GBE1: variants seen among roughly 807,000 people sequenced by gnomAD.
GBE1 encodes 1,4-alpha-glucan branching enzyme 1.
Under a neutral mutation model 88.8 loss-of-function variants are expected in GBE1, and 70 were observed. The observed-to-expected ratio is 0.79, with a 90% CI of 0.65 to 0.96. GBE1 has a LOEUF of 0.96. GBE1 is among the 40% of genes least tolerant of loss of function. The pLI, the probability that GBE1 is intolerant of heterozygous loss-of-function variation, is 0.00. For synonymous variants in GBE1, 284 were observed against 300.1 expected (o/e 0.95, Z 0.56); for missense variants, 872 against 871.0 (o/e 1.00, Z -0.01).
chr3:81,528,194 A>C (rs935308976), intron 14 of GBE1, among the ~76,000 whole-genome samples: 3 of 134,588 alleles, frequency 2.2e-5, no homozygotes, highest in Non-Finnish European at 3.1e-5. Flanking sequence ...AGGAAGGGGA[A>C]CATCACACAG....
Position 81,605,005 on chromosome 3 carries a change from C to A in GBE1, c.993-10982G>T, listed in dbSNP as rs539325774. On this transcript the variant is annotated intron_variant, in intron 7 of 15. Transcript: ENST00000429644. ...ACATATGCCTCAATTTTTTTTAAAT[C>A]AAAAAAAAATATGGCCAGCCTCTAG... Among the ~76,000 whole-genome samples the A allele has an allele frequency of 1.5e-3, 230 of 149,324 alleles. 1 individual carries two copies. The highest frequency in any genetic ancestry group is 5.5e-3 in the African/African-American group (224 of 40,848).
chr3:81,530,410 A>G (rs566545582), intron 14 of GBE1, among the ~76,000 whole-genome samples: 9 of 151,954 alleles, frequency 5.9e-5, no homozygotes, highest in African/African-American at 1.9e-4. Context: ...GTGTCTGGGC[A>G]TTGAATAATT....
At chr3:81,750,524 C>CATATATATATATGT (rs1706481404) in intron 1 of GBE1, among the ~76,000 whole-genome samples, 1 of 93,884 alleles carries the variant, frequency 1.1e-5, no homozygotes, top group African/African-American at 5.7e-5. Context: ...TCAAAACATT[C>CATATATATATATGT]ATATATATAT....
chr3:81,542,247 T>C (rs1479534684), intron 12 of GBE1, among the ~76,000 whole-genome samples: 1 of 152,158 alleles, frequency 6.6e-6, no homozygotes, highest in African/African-American at 2.4e-5. Flanking sequence ...GACCATGTAA[T>C]GAAATTTTAT....
intron 2 of GBE1, among the ~76,000 whole-genome samples, chr3:81,671,330 AAAT>A (rs374543532): frequency 5.9e-4 from 90 of 152,286 alleles, no homozygotes; most frequent in South Asian, 5.4e-3. Flanking sequence ...CATGGTAGAA[AAAT>A]AATGACAAAC....
chr3:81,589,092 A>T lies in GBE1; in HGVS notation c.1236+1945T>A, dbSNP rs374526596. Among the ~76,000 whole-genome samples, 77 of 152,260 alleles carry T rather than the reference A, an allele frequency of 5.1e-4. 3 individuals carry two copies. The South Asian group carries it at 0.015, about 30-fold the overall frequency. ...AATAAACATACTCTAAATATAAAAC[A>T]ATTGATGCCTATTCATATGGCATAT... On this transcript the variant is annotated intron_variant, in intron 9 of 15. Transcript: ENST00000429644.
intron 1 of GBE1, among the ~76,000 whole-genome samples, chr3:81,710,903 A>C (rs1312442345): frequency 6.6e-6 from 1 of 152,180 alleles, no homozygotes; most frequent in Non-Finnish European, 1.5e-5. Context: ...AACACATATC[A>C]CACACTCCAA....
At chr3:81,631,925 A>G (rs1260475389) in intron 7 of GBE1, among the ~76,000 whole-genome samples, 4 of 152,040 alleles carry the variant, frequency 2.6e-5, no homozygotes, top group Non-Finnish European at 4.4e-5. Flanking sequence ...TGTCATCTAC[A>G]TTAGGTATTT....
chr3:81,682,024 A>AT (rs1705352217), intron 2 of GBE1, among the ~76,000 whole-genome samples: 1 of 152,256 alleles, frequency 6.6e-6, no homozygotes, highest in African/African-American at 2.4e-5. Flanking sequence ...TTCAAATCAT[A>AT]TATTTGATAG....
chr3:81,581,646 T>A (rs966758514), intron 10 of GBE1, among the ~76,000 whole-genome samples: 1 of 152,112 alleles, frequency 6.6e-6, no homozygotes, highest in African/African-American at 2.4e-5. Context: ...ATGGTAGAGA[T>A]ACACTTGTTA....
intron 2 of GBE1, among the ~76,000 whole-genome samples, chr3:81,681,302 G>A (rs1008779698): frequency 6.6e-6 from 1 of 152,040 alleles, no homozygotes; most frequent in Non-Finnish European, 1.5e-5. Context: ...CAGTAGGGGG[G>A]CTCTTTTTAG....
At chr3:81,635,571 T>A (rs1308054714) in intron 7 of GBE1, among the ~76,000 whole-genome samples, 5 of 152,254 alleles carry the variant, frequency 3.3e-5, no homozygotes, top group Admixed American at 2.6e-4. Flanking sequence ...AAACTGCTAG[T>A]CTATTCTGTA....
At chr3:81,641,112 A>C (rs533550772) in intron 7 of GBE1, among the ~76,000 whole-genome samples, 9 of 152,300 alleles carry the variant, frequency 5.9e-5, no homozygotes, top group Non-Finnish European at 1.2e-4. Context: ...TGTATAACAT[A>C]AAAATCCATC....
chr3:81,494,983 A>C (rs1702481869), intron 15 of GBE1, among the ~76,000 whole-genome samples: 1 of 152,236 alleles, frequency 6.6e-6, no homozygotes, highest in South Asian at 2.1e-4. Context: ...AAAAAAAGAA[A>C]AGTTTAAAAT....
intron 7 of GBE1, among the ~76,000 whole-genome samples, chr3:81,601,472 A>G (rs894181532): frequency 6.6e-6 from 1 of 152,134 alleles, no homozygotes; most frequent in African/African-American, 2.4e-5. Context: ...CCACATATCT[A>G]TAATTTTAAT....
At chr3:81,603,889 C>T (rs948193258) in intron 7 of GBE1, among the ~76,000 whole-genome samples, 1 of 152,070 alleles carries the variant, frequency 6.6e-6, no homozygotes, top group African/African-American at 2.4e-5. Flanking sequence ...CTATATTCTA[C>T]TAGAATACAG....
chr3:81,692,779 C>A (rs937512257), intron 2 of GBE1, among the ~76,000 whole-genome samples: 1 of 152,122 alleles, frequency 6.6e-6, no homozygotes, highest in Admixed American at 6.5e-5. Context: ...CTATTTCTAA[C>A]TTAAAGAAAG....
At position 81,692,492 on chromosome 3, in the gene GBE1, G is replaced by A. The variant is rs1000351671; in HGVS notation, c.313+12952C>T. ...AGGAAATATAGCCAGCTGTGCTAAC[G>A]AGGTGTTAGGAGTTGAGAATGCAGA... On this transcript the variant is annotated intron_variant, in intron 2 of 15. Transcript: ENST00000429644. Among the ~76,000 whole-genome samples, 10 of 152,282 alleles carry A rather than the reference G, an allele frequency of 6.6e-5. No individual in the cohort carries two copies. In the South Asian group the frequency reaches 1.9e-3, roughly 28 times the overall value.
rs530541196 is a variant in GBE1, at chr3:81,606,172, A to G, written c.993-12149T>C. 2.0e-5 allele frequency among the ~76,000 whole-genome samples: 3 copies of G among 152,350 alleles called. No homozygotes were observed. In the East Asian group the frequency reaches 5.8e-4, roughly 29 times the overall value. On this transcript the variant is annotated intron_variant, in intron 7 of 15. Transcript: ENST00000429644. The stretch of plus-strand genomic sequence containing the variant: ...ATGCTAGTGATGCACACTCTAGGAA[A>G]TAAAAGTCTATGCTCCCCAAAACAT...
Sources: allele counts gnomAD v4.1 joint callset (sites outside exome capture counted in the v4.1 genomes callset), GRCh38; gene constraint gnomAD v4.1.1; transcripts MANE v1.5; gene names NCBI Gene and HGNC (gene_info 2026-07-23, HGNC 2026-07-21).